Variants in AGAP1 observed in about 807,000 individuals in gnomAD.
The protein encoded by AGAP1 is arf-GAP with GTPase, ANK repeat and PH domain-containing protein 1.
A neutral mutation model predicts 105.3 loss-of-function variants in AGAP1; 29 were observed. The observed-to-expected ratio is 0.28, with a 90% CI of 0.21 to 0.38. AGAP1 has a LOEUF of 0.38. Ranked by LOEUF, AGAP1 falls within the 10% of genes least tolerant of loss-of-function variation. The pLI is 1.00. For synonymous variants in AGAP1, 509 were observed against 485.9 expected, an observed-to-expected ratio of 1.05 and a Z score of -0.63; for missense variants, 998 against 1,165.1, an observed-to-expected ratio of 0.86 and a Z score of 2.09.
intron 12 of AGAP1, among the ~76,000 whole-genome samples, chr2:235,937,185 C>T (rs1435253317): frequency 6.6e-6 from 1 of 152,168 alleles, no homozygotes; most frequent in East Asian, 1.9e-4. Context: ...GGGCTCTCAT[C>T]TCTCAAAGCT....
rs1187282670 is a variant in AGAP1, at chr2:236,062,707, G to T, written c.2114+13426G>T. Among the ~76,000 whole-genome samples, 1 of 152,100 alleles carries T rather than the reference G, an allele frequency of 6.6e-6. No homozygotes were observed. Among genetic ancestry groups the T allele is most frequent in the Admixed American group, 6.5e-5 (1 of 15,270 alleles). On this transcript the variant is annotated intron_variant, in intron 16 of 17. Coordinates refer to ENST00000304032, the MANE Select transcript of AGAP1 (RefSeq NM_001037131.3). The surrounding 1 kb of genome is among the most constrained non-coding windows in gnomAD (Gnocchi z 4.2). ...GATGGAATCTCACTCTGTCACCCAG[G>T]CTGGAGTGCAGTGGAGCAATCTTGG...
At position 235,988,511 on chromosome 2, in the gene AGAP1, C is replaced by T. The variant is rs1226007461; in HGVS notation, c.1645+19888C>T. ...ATTTCTGAACTTTAGCGTAAGTGTTCTCTGGCAGGTATGGCTGTTTTTCTG... is the reference window on the plus strand; with the variant it reads ...ATTTCTGAACTTTAGCGTAAGTGTTTTCTGGCAGGTATGGCTGTTTTTCTG... On this transcript the variant is annotated intron_variant, in intron 13 of 17. Transcript: ENST00000304032. The surrounding 1 kb of genome is among the most constrained non-coding windows in gnomAD (Gnocchi z 4.7). 6.6e-6 allele frequency among the ~76,000 whole-genome samples: 1 copy of T among 152,056 alleles called. No individual in the cohort carries two copies. Among genetic ancestry groups the T allele is most frequent in the Non-Finnish European group, 1.5e-5 (1 of 68,026 alleles).
At position 235,621,841 on chromosome 2, in the gene AGAP1, G is replaced by A. The variant is rs1316236057; in HGVS notation, c.164-87338G>A. ...CCCTGGGAGCGGCTGCTGATGTTCT[G>A]GCTCTCTGCAGTTGGGTAGGAGTGG... is the stretch of plus-strand genomic sequence containing the variant. On this transcript the variant is annotated intron_variant, in intron 1 of 17. Transcript: ENST00000304032. The surrounding 1 kb of genome is among the most constrained non-coding windows in gnomAD (Gnocchi z 4.1). Among the ~76,000 whole-genome samples, 1 of 152,194 alleles carries A rather than the reference G, an allele frequency of 6.6e-6. No homozygotes were observed. The highest frequency in any genetic ancestry group is 2.4e-5 in the African/African-American group (1 of 41,450).
intron 12 of AGAP1, among the ~76,000 whole-genome samples, chr2:235,940,259 G>A (rs1328282364): frequency 5.9e-5 from 9 of 151,926 alleles, no homozygotes; most frequent in African/African-American, 9.7e-5. Context: ...CTGCTGCGTC[G>A]GTCCTAACTC....
rs2059862947 is a variant in AGAP1 at position 236,120,063 on chromosome 2, C to T, written c.2115-129C>T. 3 of 1,328,566 alleles carry T rather than the reference C, an allele frequency of 2.3e-6. No individual in the cohort carries two copies. The highest frequency in any genetic ancestry group is 3.1e-6 in the Non-Finnish European group (3 of 972,242). The allele number at this position is 1,328,566 out of a possible 1,614,324, so 82.3% of individuals were successfully genotyped here. A position where few individuals can be genotyped will look rare whatever the true frequency, so the allele number is the denominator to read the frequency against. Reference sequence around the variant, plus strand: ...AACGTTTCCCCCAGGGGGCTTTGTGCCGAGTGAAGACCTTTGCTTTCTGTT... The same window carrying T: ...AACGTTTCCCCCAGGGGGCTTTGTGTCGAGTGAAGACCTTTGCTTTCTGTT... On this transcript the variant is annotated intron_variant, in intron 16 of 17. Coordinates refer to ENST00000304032, the MANE Select transcript of AGAP1 (RefSeq NM_001037131.3). This position sits in a 1 kb window ranked among gnomAD's most constrained non-coding sequence, Gnocchi z 6.0.
At chr2:235,581,398 G>A (rs978661985) in intron 1 of AGAP1, among the ~76,000 whole-genome samples, 1 of 149,748 alleles carries the variant, frequency 6.7e-6, no homozygotes, top group Non-Finnish European at 1.5e-5. Context: ...CTTGGTCTTT[G>A]TCCCCAGCTT....
chr2:235,574,334 A>G lies in AGAP1; in HGVS notation c.163+79485A>G, dbSNP rs544765991. 1.3e-5 allele frequency among the ~76,000 whole-genome samples: 2 copies of G among 152,374 alleles called. No individual in the cohort carries two copies. The highest frequency in any genetic ancestry group is 3.9e-4 in the East Asian group (2 of 5,186). Reference sequence around the variant, plus strand: ...AAAATGTTCCCTTACCTTAAGGGAAAGGCCTCAATGGATTGATTTAATTGT... The same window carrying G: ...AAAATGTTCCCTTACCTTAAGGGAAGGGCCTCAATGGATTGATTTAATTGT... On this transcript the variant is annotated intron_variant, in intron 1 of 17. Transcript: ENST00000304032. The surrounding 1 kb of genome is among the most constrained non-coding windows in gnomAD (Gnocchi z 5.0).
chr2:235,838,302 A>G (rs1960405766), intron 9 of AGAP1, among the ~76,000 whole-genome samples: 1 of 152,222 alleles, frequency 6.6e-6, no homozygotes, highest in Non-Finnish European at 1.5e-5. Flanking sequence ...AAATGGCACT[A>G]TTGATAAATA....
In AGAP1 at chr2:235,797,838, C is replaced by T. The variant is rs755384807; in HGVS notation, c.753C>T (p.Ser251=). The part of the protein sequence containing the change: ...GPCKSLPNSP[S]HSSVCSAQVS... ...GCAAGTCGCTACCTAATTCTCCCAG[C>T]CATTCCTCCGTCTGTTCCGCGCAGG... is the stretch of plus-strand genomic sequence containing the variant. Residue 251 remains serine, a synonymous_variant, in exon 7 of 18, where the codon AGC becomes AGT. Coordinates refer to ENST00000304032, the MANE Select transcript of AGAP1 (RefSeq NM_001037131.3). 6.8e-6 allele frequency: 11 copies of T among 1,614,232 alleles called. No homozygotes were observed. In the Admixed American group the frequency reaches 1.5e-4, roughly 22 times the overall value.
In AGAP1 at chr2:235,773,466, C is replaced by CT. The variant is rs1955617024; in HGVS notation, c.673+22981dup. 2.0e-5 allele frequency among the ~76,000 whole-genome samples: 3 copies of CT among 152,300 alleles called. No homozygotes were observed. The South Asian group carries it at 6.2e-4, about 32-fold the overall frequency. On this transcript the variant is annotated intron_variant, in intron 6 of 17. Transcript: ENST00000304032. The stretch of plus-strand genomic sequence containing the variant: ...TGCAGAAAGCAACCAGGTGGAGGCA[C>CT]TTTCAGTTTTCCATCTGCCTTGCAG...
At chr2:235,833,258 A>G (rs1208801023) in intron 9 of AGAP1, among the ~76,000 whole-genome samples, 1 of 152,244 alleles carries the variant, frequency 6.6e-6, no homozygotes, top group Non-Finnish European at 1.5e-5. Context: ...AGGCTGGCGT[A>G]GGCACGGGAG....
Position 235,930,599 on chromosome 2 carries a change from C to A in AGAP1, c.1325-166C>A, listed in dbSNP as rs569601334. Among the ~76,000 whole-genome samples, 1 of 151,308 alleles carries A rather than the reference C, an allele frequency of 6.6e-6. No individual in the cohort carries two copies. Among genetic ancestry groups the A allele is most frequent in the Non-Finnish European group, 1.5e-5 (1 of 67,986 alleles). On this transcript the variant is annotated intron_variant, in intron 11 of 17. Transcript: ENST00000304032. This position sits in a 1 kb window ranked among gnomAD's most constrained non-coding sequence, Gnocchi z 7.9. ...ATTGGCGTCCCCCTTTTATTCCTCC[C>A]GAATAGTTTCTGTCTGGCGCTTCCG...
rs1024939722 is a variant in AGAP1, at chr2:236,114,023, C to T, written c.2115-6169C>T. Among the ~76,000 whole-genome samples, 4 of 152,134 alleles carry T rather than the reference C, an allele frequency of 2.6e-5. No individual in the cohort carries two copies. Among genetic ancestry groups the T allele is most frequent in the South Asian group, 2.1e-4 (1 of 4,826 alleles). On this transcript the variant is annotated intron_variant, in intron 16 of 17. Transcript: ENST00000304032. The surrounding 1 kb of genome is among the most constrained non-coding windows in gnomAD (Gnocchi z 5.0). ...TCCCTCATTTTCCCTCACTCTCCTG[C>T]GGCTGATTTATTTAAAGGTGTGTCA...
intron 13 of AGAP1, among the ~76,000 whole-genome samples, chr2:236,029,310 T>C (rs1056906212): frequency 7.9e-5 from 12 of 151,306 alleles, no homozygotes; most frequent in Non-Finnish European, 1.3e-4. Flanking sequence ...AAGTCTTTCC[T>C]TGTCACCCAG....
chr2:235,675,210 G>C (rs1948667724), intron 1 of AGAP1, among the ~76,000 whole-genome samples: 1 of 130,208 alleles, frequency 7.7e-6, no homozygotes, highest in Non-Finnish European at 1.6e-5. Flanking sequence ...TTTTTTTTGA[G>C]ACAGAGTCTC....
Position 235,676,817 on chromosome 2 carries a change from GA to G in AGAP1, c.164-32355del, listed in dbSNP as rs1218980001. On this transcript the variant is annotated intron_variant, in intron 1 of 17. Coordinates refer to ENST00000304032, the MANE Select transcript of AGAP1 (RefSeq NM_001037131.3). ...ATGATGTCACAATGAGTGAAATAAT[GA>G]AAAAAAGTTATAGTTATTGAGGGTA... is the stretch of plus-strand genomic sequence containing the variant. Among the ~76,000 whole-genome samples the G allele has an allele frequency of 3.3e-5, 5 of 152,188 alleles. No homozygotes were observed. In the East Asian group the frequency reaches 5.8e-4, roughly 18 times the overall value.
Position 235,728,900 on chromosome 2 carries a change from C to T in AGAP1, c.310+11256C>T, listed in dbSNP as rs1032565664. Reference sequence around the variant, plus strand: ...GGGAGGTTTGGAGCCTGGACGAGAGCAGGGGTTGTGGAGGAATGGTCAAAA... The same window carrying T: ...GGGAGGTTTGGAGCCTGGACGAGAGTAGGGGTTGTGGAGGAATGGTCAAAA... On this transcript the variant is annotated intron_variant, in intron 3 of 17. Transcript: ENST00000304032. The surrounding 1 kb of genome is among the most constrained non-coding windows in gnomAD (Gnocchi z 4.3). 6.6e-6 allele frequency among the ~76,000 whole-genome samples: 1 copy of T among 152,090 alleles called. No homozygotes were observed. The highest frequency in any genetic ancestry group is 1.5e-5 in the Non-Finnish European group (1 of 68,016).
At position 236,027,691 on chromosome 2, in the gene AGAP1, A is replaced by AG. The variant is rs1245959314; in HGVS notation, c.1646-8865dup. 6.6e-6 allele frequency among the ~76,000 whole-genome samples: 1 copy of AG among 152,112 alleles called. No homozygotes were observed. The highest frequency in any genetic ancestry group is 1.5e-5 in the Non-Finnish European group (1 of 68,006). On this transcript the variant is annotated intron_variant, in intron 13 of 17. Transcript: ENST00000304032. This position sits in a 1 kb window ranked among gnomAD's most constrained non-coding sequence, Gnocchi z 4.4. ...GCTGGACCCCGCATTGACGAGACAGAGGGGGCCATCTTGTGCTTCTCCAGG... is the reference window on the plus strand; with the variant it reads ...GCTGGACCCCGCATTGACGAGACAGAGGGGGGCCATCTTGTGCTTCTCCAGG...
Position 236,078,944 on chromosome 2 carries a change from G to T in AGAP1, c.2114+29663G>T, listed in dbSNP as rs1346313334. On this transcript the variant is annotated intron_variant, in intron 16 of 17. Transcript: ENST00000304032. The surrounding 1 kb of genome is among the most constrained non-coding windows in gnomAD (Gnocchi z 5.3). Reference sequence around the variant, plus strand: ...CCAGCCTCACACAGTGACCCAGTGGGCTTGAACAGTGAGGTTCCAGTCCCG... The same window carrying T: ...CCAGCCTCACACAGTGACCCAGTGGTCTTGAACAGTGAGGTTCCAGTCCCG... Among the ~76,000 whole-genome samples the T allele has an allele frequency of 6.6e-6, 1 of 152,186 alleles. No homozygotes were observed. Among genetic ancestry groups the T allele is most frequent in the African/African-American group, 2.4e-5 (1 of 41,448 alleles).
Sources: allele counts gnomAD v4.1 joint callset (sites outside exome capture counted in the v4.1 genomes callset), GRCh38; gene constraint gnomAD v4.1.1; non-coding constraint Gnocchi (gnomAD v3.1); transcripts MANE v1.5; gene names NCBI Gene and HGNC (gene_info 2026-07-23, HGNC 2026-07-21).